The following NRG1 variants were observed in gnomAD, a reference collection of about 807,000 sequenced individuals.
NRG1 encodes pro-neuregulin-1, membrane-bound isoform.
Under a neutral mutation model 63.8 loss-of-function variants are expected in NRG1, and 18 were observed. The ratio of observed to expected loss-of-function variants is 0.28; its 90% confidence interval spans 0.19 to 0.42. The LOEUF (loss-of-function observed/expected upper bound fraction) is 0.42. NRG1 is among the 10% of genes least tolerant of loss of function. The pLI is 1.00. For synonymous variants in NRG1, 302 were observed against 301.3 expected, an observed-to-expected ratio of 1.00 and a Z score of -0.02; for missense variants, 762 against 814.7, an observed-to-expected ratio of 0.94 and a Z score of 0.79.
chr8:32,697,068 C>A (rs923436011), intron 5 of NRG1, among the ~76,000 whole-genome samples: 1 of 152,180 alleles, frequency 6.6e-6, no homozygotes, highest in Non-Finnish European at 1.5e-5. Flanking sequence ...ACGTTGCCTG[C>A]AATTCAATTC....
chr8:31,888,472 T>C (rs1250191252), intron 1 of NRG1, among the ~76,000 whole-genome samples: 1 of 152,108 alleles, frequency 6.6e-6, no homozygotes, highest in African/African-American at 2.4e-5. Flanking sequence ...CAGCAATATG[T>C]TTCTGAGAGA....
At chr8:32,163,214 A>G (rs796264404) in intron 1 of NRG1, among the ~76,000 whole-genome samples, 1 of 152,192 alleles carries the variant, frequency 6.6e-6, no homozygotes, top group Non-Finnish European at 1.5e-5. Flanking sequence ...TGTGGCAGGA[A>G]CTTGGCCTTC....
At chr8:32,413,451 A>G (rs555791609) in intron 1 of NRG1, among the ~76,000 whole-genome samples, 2 of 152,324 alleles carry the variant, frequency 1.3e-5, no homozygotes, top group South Asian at 2.1e-4. Context: ...GGCTTGTAGC[A>G]TTCCATTTTT....
intron 1 of NRG1, among the ~76,000 whole-genome samples, chr8:32,558,700 G>C (rs1835696859): frequency 1.3e-5 from 2 of 152,138 alleles, no homozygotes; most frequent in Admixed American, 1.3e-4. Context: ...CCTTAATGCA[G>C]ATGGCCATTT....
intron 1 of NRG1, among the ~76,000 whole-genome samples, chr8:32,159,548 A>C (rs1838593418): frequency 6.6e-6 from 1 of 151,642 alleles, no homozygotes; most frequent in Admixed American, 6.6e-5. Context: ...CTCAAAAAAA[A>C]AAAAAAAAAA....
chr8:31,750,870 T>A (rs959953433), intron 1 of NRG1, among the ~76,000 whole-genome samples: 1 of 152,074 alleles, frequency 6.6e-6, no homozygotes, highest in African/African-American at 2.4e-5. Context: ...CCCAGCGTGC[T>A]TATATAATTT....
chr8:32,289,134 AC>A (rs1194427007), intron 1 of NRG1, among the ~76,000 whole-genome samples: 2 of 152,180 alleles, frequency 1.3e-5, no homozygotes, highest in Admixed American at 6.5e-5. Context: ...GTCTTTCTTA[AC>A]TGGTGATTTC....
At chr8:32,681,936 A>G (rs1269464294) in intron 5 of NRG1, among the ~76,000 whole-genome samples, 1 of 152,200 alleles carries the variant, frequency 6.6e-6, no homozygotes, top group Non-Finnish European at 1.5e-5. Flanking sequence ...TAACGTTAAC[A>G]TGCACATGGA....
chr8:31,640,050 C>T lies in NRG1; in HGVS notation c.37+619C>T. On this transcript the variant is annotated intron_variant, in intron 1 of 10. Transcript: ENST00000519301. The surrounding 1 kb of genome is among the most constrained non-coding windows in gnomAD (Gnocchi z 6.3). ...GCCCCCGGGCCCAGCGCCCCGGCTC[C>T]GCCGCCCGCTCGTCGCCGCCGCTGC... The T allele has an allele frequency of 2.6e-6, 3 of 1,143,768 alleles. No individual in the cohort carries two copies. The highest frequency in any genetic ancestry group is 2.1e-6 in the Non-Finnish European group (2 of 933,114). The allele number at this position is 1,143,768 out of a possible 1,614,324, so 70.9% of individuals were successfully genotyped here.
chr8:32,044,627 G>A (rs1007891779), intron 1 of NRG1, among the ~76,000 whole-genome samples: 1 of 151,478 alleles, frequency 6.6e-6, no homozygotes. Context: ...TGTCCATAGT[G>A]TAATTAAATT....
intron 1 of NRG1, among the ~76,000 whole-genome samples, chr8:32,194,723 C>T (rs1279607819): frequency 6.6e-6 from 1 of 151,966 alleles, no homozygotes; most frequent in Non-Finnish European, 1.5e-5. Context: ...AAAGTGAGAC[C>T]AATGGAAACC....
At chr8:31,669,195 G>A (rs1806851971) in intron 1 of NRG1, among the ~76,000 whole-genome samples, 1 of 151,526 alleles carries the variant, frequency 6.6e-6, no homozygotes. Flanking sequence ...AGATGGGATG[G>A]GTCTACAGGC....
intron 1 of NRG1, among the ~76,000 whole-genome samples, chr8:32,172,917 C>A (rs1219491028): frequency 1.3e-5 from 2 of 152,224 alleles, no homozygotes; most frequent in Admixed American, 1.3e-4. Context: ...AAACACTCTG[C>A]AGGATATTAT....
intron 1 of NRG1, among the ~76,000 whole-genome samples, chr8:31,791,832 G>A (rs1820741571): frequency 6.6e-6 from 1 of 152,122 alleles, no homozygotes; most frequent in East Asian, 1.9e-4. Flanking sequence ...AGATGAAGAA[G>A]GCAGCACTCT....
At chr8:32,178,302 G>C (rs888605338) in intron 1 of NRG1, among the ~76,000 whole-genome samples, 1 of 152,056 alleles carries the variant, frequency 6.6e-6, no homozygotes, top group Non-Finnish European at 1.5e-5. Context: ...CTTAGGTAAA[G>C]GGCAGTGACT....
chr8:32,089,171 C>A (rs979030130), intron 1 of NRG1, among the ~76,000 whole-genome samples: 13 of 152,158 alleles, frequency 8.5e-5, no homozygotes, highest in African/African-American at 3.1e-4. Flanking sequence ...TTGCACGCAG[C>A]GCACTCTGCC....
intron 1 of NRG1, among the ~76,000 whole-genome samples, chr8:32,371,318 C>A (rs991590125): frequency 9.2e-5 from 14 of 152,188 alleles, no homozygotes; most frequent in Non-Finnish European, 2.1e-4. Context: ...CACAGAAACA[C>A]ATGACCATCG....
intron 1 of NRG1, among the ~76,000 whole-genome samples, chr8:31,824,361 T>A (rs1824328562): frequency 6.6e-6 from 1 of 152,162 alleles, no homozygotes; most frequent in African/African-American, 2.4e-5. Flanking sequence ...AACTCATCAT[T>A]TTTTATGGCT....
chr8:31,983,554 A>AT (rs1692813299), intron 1 of NRG1, among the ~76,000 whole-genome samples: 1 of 151,780 alleles, frequency 6.6e-6, no homozygotes, highest in African/African-American at 2.4e-5. Flanking sequence ...TATTTTTTTA[A>AT]ATTTTTTTGC....
Sources: gnomAD v4.1 joint callset for allele counts (sites outside exome capture counted in the v4.1 genomes callset) on GRCh38, gnomAD v4.1.1 for gene constraint, Gnocchi (gnomAD v3.1) non-coding constraint, MANE v1.5 for transcripts, NCBI Gene and HGNC (gene_info 2026-07-23, HGNC 2026-07-21) for gene names.